The following LARP7 variants were observed in gnomAD, a reference collection of about 807,000 sequenced individuals.
The protein encoded by LARP7 is la-related protein 7.
Under a neutral mutation model 69.3 loss-of-function variants are expected in LARP7, and 52 were observed. The observed-to-expected ratio is 0.75, with a 90% confidence interval of 0.60 to 0.95. The LOEUF is 0.95. Among genes scored for constraint, LARP7 ranks in the 40% least tolerant of loss-of-function variants. The probability of loss-of-function intolerance (pLI) is 0.00; values close to 1 mark genes in which losing one functional copy is unlikely to be tolerated. For missense variants in LARP7, 733 were observed against 673.0 expected, an observed-to-expected ratio of 1.09 and a Z score of -0.99; for synonymous variants, 254 against 215.9, an observed-to-expected ratio of 1.18 and a Z score of -1.55.
At position 112,650,548 on chromosome 4, in the gene LARP7, G is replaced by A; in HGVS notation, c.1382G>A (p.Ser461Asn). 1 of 1,613,722 alleles carries A rather than the reference G, an allele frequency of 6.2e-7. No homozygotes were observed. The highest frequency in any genetic ancestry group is 8.5e-7 in the Non-Finnish European group (1 of 1,179,752). The change falls in exon 10 of 13, where the codon AGC becomes AAC. Residue 461 changes from serine (S) to asparagine (N), a missense_variant. Coordinates refer to ENST00000344442, the MANE Select transcript of LARP7 (RefSeq NM_016648.4). ...AGTGGAGTGATTGTGAAGATCATTAGCACAGAGCCTCTACCTGGCAGGAAA... is the reference window on the plus strand; with the variant it reads ...AGTGGAGTGATTGTGAAGATCATTAACACAGAGCCTCTACCTGGCAGGAAA... ...FVSGVIVKIISTEPLPGRKQV... is the reference protein window; with the variant it reads ...FVSGVIVKIINTEPLPGRKQV...
At chr4:112,650,349 T>C (rs1273225480) in intron 9 of LARP7, 112 bp from the exon 10 acceptor site, 4 of 1,040,228 alleles carry the variant, frequency 3.8e-6, no homozygotes, top group South Asian at 3.5e-5. Flanking sequence ...ATTAAATACG[T>C]TTTAAATTAT....
chr4:112,642,102 A>G (rs535763732), intron 1 of LARP7, among the ~76,000 whole-genome samples: 4 of 152,316 alleles, frequency 2.6e-5, no homozygotes, highest in East Asian at 3.9e-4. Flanking sequence ...TATGAAGAAA[A>G]TATTTTCAAG....
chr4:112,641,512 G>GCAGA (rs2047964923), intron 1 of LARP7, among the ~76,000 whole-genome samples: 1 of 151,800 alleles, frequency 6.6e-6, no homozygotes, highest in South Asian at 2.1e-4. Flanking sequence ...TTAGAAGCAG[G>GCAGA]CAGACTAGTA....
At chr4:112,644,617 T>G in intron 1 of LARP7, 51 bp from the exon 2 acceptor site, 2 of 1,344,862 alleles carry the variant, frequency 1.5e-6, no homozygotes, top group Non-Finnish European at 1.0e-6. Context: ...TTTAACTATA[T>G]TAGCTATTGT....
chr4:112,644,068 C>G (rs1373060341), intron 1 of LARP7, among the ~76,000 whole-genome samples: 2 of 151,702 alleles, frequency 1.3e-5, no homozygotes, highest in Admixed American at 1.3e-4. Flanking sequence ...TGGTGAAACC[C>G]CGTCTCCTAC....
At chr4:112,644,406 A>C in intron 1 of LARP7, 1 of 922,960 alleles carries the variant, frequency 1.1e-6, no homozygotes, top group Non-Finnish European at 1.4e-6. Flanking sequence ...TAAAGGTGTA[A>C]TTTTTTATAT....
rs138028092 is a variant in LARP7 at position 112,650,393 on chromosome 4, C to T, written c.1295-68C>T. ...GCCTCAGGAATTATTCTAAGGTAGT[C>T]CTCCTAAGTATTAAATTGTTGTTAA... On this transcript the variant is annotated intron_variant, in intron 9 of 12. Transcript: ENST00000344442. The T allele has an allele frequency of 3.9e-4, 569 of 1,463,972 alleles. 2 individuals are homozygous for T. In the African/African-American group the frequency reaches 6.6e-3, roughly 17 times the overall value. The allele number at this position is 1,463,972 out of a possible 1,614,324, so 90.7% of individuals were successfully genotyped here.
At chr4:112,652,293 T>G (rs73841098) in intron 10 of LARP7, among the ~76,000 whole-genome samples, 7 of 97,256 alleles carry the variant, frequency 7.2e-5, no homozygotes, top group Non-Finnish European at 1.1e-4. Context: ...AAATAAGATT[T>G]CCCCCCCCCC....
Position 112,650,495 on chromosome 4 carries a change from A to C in LARP7, c.1329A>C (p.Lys443Asn). The stretch of plus-strand genomic sequence containing the variant: ...GGGAAGAGTGTCGCACCCAGGAGAA[A>C]GTTAATGCAACAGGACCACAGTTCG... The part of the protein sequence containing the change: ...ANREECRTQE[K>N]VNATGPQFVS... The change falls in exon 10 of 13, where the codon AAA (lysine) becomes AAC (asparagine). Residue 443 changes from lysine (K) to asparagine (N), a missense_variant. Lys to Asn is a moderately conservative substitution (Grantham distance 94). Transcript: ENST00000344442. The C allele has an allele frequency of 6.2e-7, 1 of 1,613,812 alleles. No homozygotes were observed. Among genetic ancestry groups the C allele is most frequent in the Non-Finnish European group, 8.5e-7 (1 of 1,179,810 alleles).
intron 11 of LARP7, among the ~76,000 whole-genome samples, chr4:112,653,716 G>A (rs1408270425): frequency 6.6e-6 from 1 of 152,040 alleles, no homozygotes. Flanking sequence ...CTCGAACCCC[G>A]GACCTCAGGT....
In LARP7 at chr4:112,653,062, T is replaced by G. The variant is rs755713392; in HGVS notation, c.1417-15T>G. 2 of 1,561,762 alleles carry G rather than the reference T, an allele frequency of 1.3e-6. No individual in the cohort carries two copies. The highest frequency in any genetic ancestry group is 1.4e-5 in the African/African-American group (1 of 71,764). ...TTTTAAATTTTATTTGTCTTTCTACTTAACTCTAATGCAGGATACTTTGGC... is the reference window on the plus strand; with the variant it reads ...TTTTAAATTTTATTTGTCTTTCTACGTAACTCTAATGCAGGATACTTTGGC... On this transcript the variant is annotated splice_polypyrimidine_tract_variant and intron_variant, in intron 10 of 12. Coordinates refer to ENST00000344442, the MANE Select transcript of LARP7 (RefSeq NM_016648.4).
At chr4:112,657,056 TTTGATTTGTAA>T (rs1209196179) in intron 12 of LARP7, among the ~76,000 whole-genome samples, 180 bp from the exon 13 acceptor site, 1 of 152,084 alleles carries the variant, frequency 6.6e-6, no homozygotes, top group Non-Finnish European at 1.5e-5. Flanking sequence ...TAATAACAGA[TTTGATTTGTAA>T]TTGATTTGAC....
chr4:112,644,889 A>G lies in LARP7; in HGVS notation c.202+18A>G. 1 of 1,387,076 alleles carries G rather than the reference A, an allele frequency of 7.2e-7. No homozygotes were observed. Among genetic ancestry groups the G allele is most frequent in the Middle Eastern group, 1.9e-4 (1 of 5,352 alleles). The allele number at this position is 1,387,076 out of a possible 1,614,324, so 85.9% of individuals were successfully genotyped here. On this transcript the variant is annotated intron_variant, in intron 2 of 12. Transcript: ENST00000344442. Reference sequence around the variant, plus strand: ...AGATGGATGTAAGTTTGCTTCAGTAAAGGAACCAATTTTTAGATATGGTTG... The same window carrying G: ...AGATGGATGTAAGTTTGCTTCAGTAGAGGAACCAATTTTTAGATATGGTTG...
intron 1 of LARP7, among the ~76,000 whole-genome samples, chr4:112,642,231 A>G (rs1210457406): frequency 6.6e-6 from 1 of 152,236 alleles, no homozygotes; most frequent in Non-Finnish European, 1.5e-5. Flanking sequence ...GATGGGTTGA[A>G]GTAAGAGCAT....
Position 112,647,259 on chromosome 4 carries a change from CCAAAGAA to C in LARP7, c.708_714del (p.Glu238ThrfsTer12). 4.3e-6 allele frequency: 7 copies of C among 1,611,342 alleles called. No homozygotes were observed. The highest frequency in any genetic ancestry group is 5.9e-6 in the Non-Finnish European group (7 of 1,179,334). On this transcript the variant is annotated frameshift_variant, in exon 7 of 13. Transcript: ENST00000344442. LOFTEE classifies it high-confidence loss of function. Reference sequence around the variant, plus strand: ...ATGAAAAAGGAAGACAATATCCAAGCCAAAGAAGAAAACATGGACACAAGCAACACCA... The same window carrying C: ...ATGAAAAAGGAAGACAATATCCAAGCGAAAACATGGACACAAGCAACACCA...
intron 7 of LARP7, 26 bp downstream of exon 7, chr4:112,647,575 TAAAACTAATTAA>T: frequency 6.6e-7 from 1 of 1,505,444 alleles, no homozygotes; most frequent in Non-Finnish European, 8.9e-7. Context: ...TTTAATTAGA[TAAAACTAATTAA>T]TTTTAATTAA....
intron 8 of LARP7, among the ~76,000 whole-genome samples, chr4:112,648,951 A>C (rs570670010): frequency 6.6e-6 from 1 of 151,738 alleles, no homozygotes; most frequent in South Asian, 2.1e-4. Context: ...AAGAAAAAGA[A>C]AATCTCCTAT....
Position 112,653,111 on chromosome 4 carries a change from T to A in LARP7, c.1451T>A (p.Val484Asp). The A allele has an allele frequency of 6.2e-7, 1 of 1,602,814 alleles. No individual in the cohort carries two copies. Among genetic ancestry groups the A allele is most frequent in the Non-Finnish European group, 8.5e-7 (1 of 1,176,472 alleles). Residue 484 changes from valine (V) to aspartate (D), a missense_variant, in exon 11 of 13, where the codon GTT becomes GAT. Transcript: ENST00000344442. Reference protein sequence around the residue: ...TLAAISEVLYVDLLEGDTECH... With the variant: ...TLAAISEVLYDDLLEGDTECH... ...GCAGCAATCTCAGAAGTTCTTTATG[T>A]TGATTTGCTAGAAGGGGATACAGAA...
chr4:112,656,597 G>A (rs954098260), intron 12 of LARP7, among the ~76,000 whole-genome samples: 2 of 152,124 alleles, frequency 1.3e-5, no homozygotes, highest in African/African-American at 4.8e-5. Context: ...ACAGAATGAA[G>A]CTTATTTCTC....
Sources: allele counts gnomAD v4.1 joint callset (sites outside exome capture counted in the v4.1 genomes callset), GRCh38; gene constraint gnomAD v4.1.1; transcripts MANE v1.5; gene names NCBI Gene and HGNC (gene_info 2026-07-23, HGNC 2026-07-21).